Variants in LRRTM4 observed in about 807,000 individuals in gnomAD.
LRRTM4 encodes leucine rich repeat transmembrane neuronal 4, also known as leucine-rich repeat transmembrane neuronal protein 4.
A neutral mutation model predicts 47.6 loss-of-function variants in LRRTM4; 25 were observed. That is an observed-to-expected ratio of 0.53 (90% CI 0.38 to 0.73). The LOEUF (loss-of-function observed/expected upper bound fraction) is 0.73, where lower values mean the gene tolerates loss of function less well. LRRTM4 is among the 30% of genes least tolerant of loss of function. LRRTM4 has a pLI of 0.00. For missense variants in LRRTM4, 638 were observed against 713.4 expected (o/e 0.89, Z 1.20); for synonymous variants, 311 against 269.5 (o/e 1.15, Z -1.51).
intron 3 of LRRTM4, among the ~76,000 whole-genome samples, chr2:76,930,554 C>T (rs1012908606): frequency 1.3e-5 from 2 of 152,168 alleles, no homozygotes; most frequent in East Asian, 3.9e-4. Context: ...CTGCAATTCT[C>T]TCTTGGTCAT....
intron 3 of LRRTM4, among the ~76,000 whole-genome samples, chr2:77,510,258 C>A (rs1678932280): frequency 6.6e-6 from 1 of 152,008 alleles, no homozygotes; most frequent in Admixed American, 6.6e-5. Flanking sequence ...AACAAGAAAT[C>A]AACTTTTAAT....
At chr2:77,489,841 T>C (rs1432695030) in intron 3 of LRRTM4, among the ~76,000 whole-genome samples, 1 of 152,240 alleles carries the variant, frequency 6.6e-6, no homozygotes, top group Non-Finnish European at 1.5e-5. Context: ...TGGAGAACTT[T>C]GTGTCTAAAA....
intron 3 of LRRTM4, among the ~76,000 whole-genome samples, chr2:77,225,112 G>C (rs1674764555): frequency 2.0e-5 from 3 of 149,658 alleles, no homozygotes; most frequent in African/African-American, 7.4e-5. Context: ...ACTATCACAA[G>C]GACAAAAAGC....
chr2:77,252,280 A>G (rs1171800353), intron 3 of LRRTM4, among the ~76,000 whole-genome samples: 2 of 152,142 alleles, frequency 1.3e-5, no homozygotes, highest in African/African-American at 4.8e-5. Flanking sequence ...CAGTATAGGG[A>G]TCCTGCATTG....
At chr2:77,362,125 G>GAAAGAAAGAAAGAAAGA (rs1558707240) in intron 3 of LRRTM4, among the ~76,000 whole-genome samples, 1 of 120,050 alleles carries the variant, frequency 8.3e-6, no homozygotes, top group Non-Finnish European at 1.9e-5. Context: ...GAGAAAGAAA[G>GAAAGAAAGAAAGAAAGA]AAAGAAAGAA....
chr2:77,072,068 T>C (rs989114270), intron 3 of LRRTM4, among the ~76,000 whole-genome samples: 1 of 152,170 alleles, frequency 6.6e-6, no homozygotes, highest in South Asian at 2.1e-4. Context: ...AAAATATACA[T>C]TATTAATACA....
rs2104122175 is a variant in LRRTM4 at position 77,517,772 on chromosome 2, T to A, written c.1551+546A>T. On this transcript the variant is annotated intron_variant, in intron 3 of 3. Coordinates refer to ENST00000409884, the MANE Select transcript of LRRTM4 (RefSeq NM_001134745.3). ...GCCTCTGACATTCTCTATGCTGGTA[T>A]AATAACTAAATGGCAAGTAACATGG... The A allele has an allele frequency of 3.0e-6, 3 of 985,216 alleles. No individual in the cohort carries two copies. The Middle Eastern group carries it at 1.6e-3, about 515-fold the overall frequency. 61.0% of individuals were successfully genotyped at this position (985,216 alleles called of 1,614,324 possible). A position where few individuals can be genotyped will look rare whatever the true frequency, so the allele number is the denominator to read the frequency against.
intron 3 of LRRTM4, among the ~76,000 whole-genome samples, chr2:77,342,773 C>G (rs1671421097): frequency 6.6e-6 from 1 of 151,812 alleles, no homozygotes; most frequent in South Asian, 2.1e-4. Flanking sequence ...GTTTCTGCTT[C>G]TAATATAAAA....
chr2:76,983,292 A>C (rs1006284237), intron 3 of LRRTM4, among the ~76,000 whole-genome samples: 1 of 152,046 alleles, frequency 6.6e-6, no homozygotes, highest in African/African-American at 2.4e-5. Context: ...ACACATTATT[A>C]AACAGTAGGG....
intron 3 of LRRTM4, among the ~76,000 whole-genome samples, chr2:77,021,912 T>C (rs1181002369): frequency 6.6e-6 from 1 of 152,184 alleles, no homozygotes. Flanking sequence ...ACTCATGCTG[T>C]ATCTTAGCTC....
At chr2:76,909,147 T>C (rs1258815681) in intron 3 of LRRTM4, among the ~76,000 whole-genome samples, 1 of 152,106 alleles carries the variant, frequency 6.6e-6, no homozygotes, top group Non-Finnish European at 1.5e-5. Context: ...AAAACAGAGA[T>C]ATAGATCAAT....
chr2:76,983,710 G>A lies in LRRTM4; in HGVS notation c.1552-234794C>T, dbSNP rs1359428424. Reference sequence around the variant, plus strand: ...TTTTTTCAAAATCATACATGAGATAGAGCAATCATACACAGAAAGAAATGA... The same window carrying A: ...TTTTTTCAAAATCATACATGAGATAAAGCAATCATACACAGAAAGAAATGA... On this transcript the variant is annotated intron_variant, in intron 3 of 3. Coordinates refer to ENST00000409884, the MANE Select transcript of LRRTM4 (RefSeq NM_001134745.3). Among the ~76,000 whole-genome samples, 3 of 151,984 alleles carry A rather than the reference G, an allele frequency of 2.0e-5. No individual in the cohort carries two copies. The South Asian group carries it at 6.2e-4, about 31-fold the overall frequency.
intron 3 of LRRTM4, among the ~76,000 whole-genome samples, chr2:77,147,446 G>T (rs1387478836): frequency 3.3e-5 from 5 of 152,072 alleles, no homozygotes; most frequent in African/African-American, 1.2e-4. Flanking sequence ...ACTCCAAGGG[G>T]TTTATTTTCA....
intron 3 of LRRTM4, among the ~76,000 whole-genome samples, chr2:77,071,819 T>C (rs1382266504): frequency 6.6e-6 from 1 of 152,090 alleles, no homozygotes; most frequent in Non-Finnish European, 1.5e-5. Flanking sequence ...TAAAGAAAAA[T>C]CTTCAAACAG....
At chr2:77,220,413 A>G (rs939007921) in intron 3 of LRRTM4, among the ~76,000 whole-genome samples, 1 of 152,200 alleles carries the variant, frequency 6.6e-6, no homozygotes, top group African/African-American at 2.4e-5. Context: ...ACTCCGAGCT[A>G]AAGGAGGAAG....
rs144078901 is a variant in LRRTM4 at position 77,169,909 on chromosome 2, G to A, written c.1551+348409C>T. Among the ~76,000 whole-genome samples the A allele has an allele frequency of 5.1e-3, 775 of 152,186 alleles. 9 individuals are homozygous for A. The highest frequency in any genetic ancestry group is 0.018 in the African/African-American group (751 of 41,510). On this transcript the variant is annotated intron_variant, in intron 3 of 3. Coordinates refer to ENST00000409884, the MANE Select transcript of LRRTM4 (RefSeq NM_001134745.3). The stretch of plus-strand genomic sequence containing the variant: ...GTAAAGTTTTTTTAGGTCTAAGTTT[G>A]TTGTGCGTTGTTGCTGCTATCACTC...
chr2:77,465,054 A>C (rs1200731464), intron 3 of LRRTM4, among the ~76,000 whole-genome samples: 1 of 152,206 alleles, frequency 6.6e-6, no homozygotes, highest in Non-Finnish European at 1.5e-5. Flanking sequence ...TATGGAATAC[A>C]TCATTTTCAT....
At chr2:77,154,433 C>A (rs1672506145) in intron 3 of LRRTM4, among the ~76,000 whole-genome samples, 1 of 152,066 alleles carries the variant, frequency 6.6e-6, no homozygotes, top group South Asian at 2.1e-4. Context: ...TTTAGCATTT[C>A]CACTGACAAT....
chr2:76,870,384 C>T (rs1162403722), intron 3 of LRRTM4, among the ~76,000 whole-genome samples: 1 of 151,992 alleles, frequency 6.6e-6, no homozygotes, highest in Non-Finnish European at 1.5e-5. Flanking sequence ...ATTATGTGGG[C>T]ATAGTCATAA....
Sources: gnomAD v4.1 joint callset for allele counts (sites outside exome capture counted in the v4.1 genomes callset) on GRCh38, gnomAD v4.1.1 for gene constraint, MANE v1.5 for transcripts, NCBI Gene and HGNC (gene_info 2026-07-23, HGNC 2026-07-21) for gene names.